Variants in LTBP1 observed in about 807,000 individuals in gnomAD.
The protein encoded by LTBP1 is latent-transforming growth factor beta-binding protein 1.
In LTBP1, 129 loss-of-function variants were observed where a neutral mutation model predicts 207.6. That is an observed-to-expected ratio of 0.62 (90% CI 0.54 to 0.72). LTBP1 has a LOEUF of 0.72. Among genes scored for constraint, LTBP1 ranks in the 30% least tolerant of loss-of-function variants. The probability of loss-of-function intolerance (pLI) is 0.00; values close to 1 mark genes in which losing one functional copy is unlikely to be tolerated. For missense variants in LTBP1, 2,281 were observed against 2,217.2 expected (o/e 1.03, Z -0.58); for synonymous variants, 963 against 833.7 (o/e 1.16, Z -2.67).
chr2:33,355,227 C>T (rs1002432992), intron 26 of LTBP1, among the ~76,000 whole-genome samples: 2 of 151,836 alleles, frequency 1.3e-5, no homozygotes, highest in African/African-American at 4.8e-5. Flanking sequence ...TATGTGCTTC[C>T]TATTCTGACT....
Position 33,398,459 on chromosome 2 carries a change from C to T in LTBP1, c.5080C>T (p.Pro1694Ser). The change falls in exon 34 of 34, where the codon CCA (proline) becomes TCA (serine). Residue 1694 changes from proline to serine, a missense_variant. Pro to Ser is a moderately conservative substitution (Grantham distance 74). Transcript: ENST00000404816. The stretch of plus-strand genomic sequence containing the variant: ...TGGTTCCTACAAGTGTTTGTGTCTG[C>T]CAGGCTACGTGCCTTCTGACAAGCC... ...TDGSYKCLCL[P>S]GYVPSDKPNY... is the part of the protein sequence containing the mutation. 6.2e-7 allele frequency: 1 copy of T among 1,614,138 alleles called. No individual in the cohort carries two copies. The highest frequency in any genetic ancestry group is 8.5e-7 in the Non-Finnish European group (1 of 1,179,976).
At chr2:33,183,585 A>G (rs2086887556) in intron 5 of LTBP1, among the ~76,000 whole-genome samples, 1 of 152,208 alleles carries the variant, frequency 6.6e-6, no homozygotes, top group South Asian at 2.1e-4. Flanking sequence ...GTATTATTTA[A>G]CAAAACTACG....
At chr2:33,006,444 C>T (rs369175392) in intron 2 of LTBP1, among the ~76,000 whole-genome samples, 10 of 143,254 alleles carry the variant, frequency 7.0e-5, no homozygotes, top group Non-Finnish European at 1.5e-4. Flanking sequence ...AGTGCAGTGG[C>T]GCAATCTTGG....
rs532970084 is a variant in LTBP1, at chr2:33,023,702, A to G, written c.863+2496A>G. ...CCTGCAGAGAAGATTAAGATGTACA[A>G]GATCCAGTCCTGCTCTTAAGGAGAT... On this transcript the variant is annotated intron_variant, in intron 3 of 33. Coordinates refer to ENST00000404816, the MANE Select transcript of LTBP1 (RefSeq NM_206943.4). Among the ~76,000 whole-genome samples, 29 of 152,336 alleles carry G rather than the reference A, an allele frequency of 1.9e-4. 1 individual carries two copies. In the South Asian group the frequency reaches 2.7e-3, roughly 14 times the overall value.
At chr2:33,082,432 C>CTTT (rs56058653) in intron 3 of LTBP1, among the ~76,000 whole-genome samples, 26 of 29,330 alleles carry the variant, frequency 8.9e-4, no homozygotes, top group African/African-American at 2.7e-3. Context: ...GTATGACTCA[C>CTTT]TTTTTTTTTT....
chr2:33,138,008 C>G (rs2082280881), intron 5 of LTBP1, among the ~76,000 whole-genome samples: 1 of 152,144 alleles, frequency 6.6e-6, no homozygotes, highest in Non-Finnish European at 1.5e-5. Flanking sequence ...GGGGCTGAAT[C>G]CTGGGGTAAC....
At chr2:33,355,546 A>G (rs1000270273) in intron 26 of LTBP1, among the ~76,000 whole-genome samples, 2 of 152,060 alleles carry the variant, frequency 1.3e-5, no homozygotes, top group African/African-American at 2.4e-5. Flanking sequence ...TTGATCTGCA[A>G]TTGATTGAAT....
chr2:32,993,875 A>G (rs1309222497), intron 2 of LTBP1, among the ~76,000 whole-genome samples: 1 of 152,030 alleles, frequency 6.6e-6, no homozygotes, highest in Non-Finnish European at 1.5e-5. Flanking sequence ...GATGTTGGGC[A>G]TTCCTGCTAC....
At chr2:33,087,068 C>CTG (rs1204357871) in intron 3 of LTBP1, among the ~76,000 whole-genome samples, 1 of 125,756 alleles carries the variant, frequency 8.0e-6, no homozygotes, top group Non-Finnish European at 1.7e-5. Context: ...AAGCACCAGG[C>CTG]TGTCCCTCCT....
At chr2:33,139,677 A>G (rs2082482091) in intron 5 of LTBP1, among the ~76,000 whole-genome samples, 1 of 152,196 alleles carries the variant, frequency 6.6e-6, no homozygotes, top group African/African-American at 2.4e-5. Context: ...TGGAACTTGA[A>G]ACATTGGTAA....
At chr2:33,271,247 G>A (rs1482097232) in intron 15 of LTBP1, among the ~76,000 whole-genome samples, 3 of 151,972 alleles carry the variant, frequency 2.0e-5, no homozygotes, top group African/African-American at 7.3e-5. Flanking sequence ...CAGATTTATA[G>A]CCTCTTAATT....
At chr2:33,323,209 CA>C (rs924000972) in intron 24 of LTBP1, among the ~76,000 whole-genome samples, 1 of 151,666 alleles carries the variant, frequency 6.6e-6, no homozygotes, top group Non-Finnish European at 1.5e-5. Flanking sequence ...CCATCTAGTA[CA>C]AAAAAAACCC....
chr2:33,223,978 C>T (rs923438907), intron 9 of LTBP1, among the ~76,000 whole-genome samples: 13 of 152,126 alleles, frequency 8.5e-5, no homozygotes, highest in South Asian at 4.1e-4. Context: ...AACTCGGTGT[C>T]GAGGGGCTAA....
At chr2:33,168,695 A>C (rs963650949) in intron 5 of LTBP1, among the ~76,000 whole-genome samples, 1 of 151,996 alleles carries the variant, frequency 6.6e-6, no homozygotes, top group Admixed American at 6.5e-5. Context: ...GAAAAAAAAA[A>C]GGCATCAGGA....
chr2:32,971,159 T>C (rs1243388268), intron 2 of LTBP1, among the ~76,000 whole-genome samples: 4 of 152,042 alleles, frequency 2.6e-5, no homozygotes, highest in African/African-American at 9.7e-5. Flanking sequence ...TGAAACTTCG[T>C]TGAAGTTATT....
At chr2:33,393,557 T>A (rs1395079478) in intron 32 of LTBP1, among the ~76,000 whole-genome samples, 2 of 151,842 alleles carry the variant, frequency 1.3e-5, no homozygotes, top group Non-Finnish European at 2.9e-5. Context: ...TTTTCTGTCC[T>A]TGCAATAGTT....
chr2:33,331,650 G>GC (rs2094495301), intron 24 of LTBP1, among the ~76,000 whole-genome samples: 1 of 152,014 alleles, frequency 6.6e-6, no homozygotes, highest in Non-Finnish European at 1.5e-5. Flanking sequence ...GTCCTTGTCT[G>GC]CTTGAAAACA....
chr2:32,956,266 A>G (rs1218122887), intron 2 of LTBP1, among the ~76,000 whole-genome samples: 3 of 152,322 alleles, frequency 2.0e-5, no homozygotes, highest in African/African-American at 4.8e-5. Flanking sequence ...TCTCTGTAGC[A>G]TACAGTGCTG....
intron 16 of LTBP1, among the ~76,000 whole-genome samples, chr2:33,274,524 A>G (rs543764445): frequency 7.2e-5 from 11 of 152,298 alleles, no homozygotes; most frequent in Non-Finnish European, 1.0e-4. Flanking sequence ...ATTTGTATAC[A>G]TTATATGTGT....
Sources: allele counts gnomAD v4.1 joint callset (sites outside exome capture counted in the v4.1 genomes callset), GRCh38; gene constraint gnomAD v4.1.1; transcripts MANE v1.5; gene names NCBI Gene and HGNC (gene_info 2026-07-23, HGNC 2026-07-21).